Variants in KCNAB1 observed in about 807,000 individuals in gnomAD.
KCNAB1 encodes the protein voltage-gated potassium channel subunit beta-1.
Under a neutral mutation model 64.6 loss-of-function variants are expected in KCNAB1, and 35 were observed. The observed-to-expected ratio is 0.54, with a 90% CI of 0.41 to 0.72. KCNAB1 has a LOEUF of 0.72. KCNAB1 is among the 30% of genes least tolerant of loss of function. KCNAB1 has a pLI of 0.00. For synonymous variants in KCNAB1, 177 were observed against 183.8 expected (o/e 0.96, Z 0.30); for missense variants, 401 against 512.9 (o/e 0.78, Z 2.11).
At chr3:156,443,964 T>C (rs1223653097) in intron 2 of KCNAB1, among the ~76,000 whole-genome samples, 1 of 152,160 alleles carries the variant, frequency 6.6e-6, no homozygotes, top group African/African-American at 2.4e-5. Context: ...GTGGCATTAC[T>C]GGTACTTGAA....
In KCNAB1 at chr3:156,330,280, G is replaced by A. The variant is rs549681931; in HGVS notation, c.276-91336G>A. 5.1e-4 allele frequency among the ~76,000 whole-genome samples: 78 copies of A among 152,018 alleles called. No individual in the cohort carries two copies. In the East Asian group the frequency reaches 8.2e-3, roughly 16 times the overall value. ...ATCCTTAGCCTAGGAATCAGCATTC[G>A]CCTTATCAGTGTTGTTTCCAGGGCC... On this transcript the variant is annotated intron_variant, in intron 1 of 13. Transcript: ENST00000490337.
At position 156,418,255 on chromosome 3, in the gene KCNAB1, T is replaced by C. The variant is rs541729710; in HGVS notation, c.276-3361T>C. ...AACACTGAGGAATTAAGAAATAGAA[T>C]AATATCATATAAAGTTGTTTTTCTG... On this transcript the variant is annotated intron_variant, in intron 1 of 13. Coordinates refer to ENST00000490337, the MANE Select transcript of KCNAB1 (RefSeq NM_172160.3). 3.9e-5 allele frequency among the ~76,000 whole-genome samples: 6 copies of C among 152,330 alleles called. No homozygotes were observed. The South Asian group carries it at 1.2e-3, about 32-fold the overall frequency.
At chr3:156,411,625 T>C (rs770147634) in intron 1 of KCNAB1, among the ~76,000 whole-genome samples, 21 of 152,176 alleles carry the variant, frequency 1.4e-4, no homozygotes, top group Non-Finnish European at 4.4e-5. Context: ...CAATCCTTTC[T>C]CCATTTAATT....
chr3:156,471,758 T>C (rs1265315099), intron 7 of KCNAB1, among the ~76,000 whole-genome samples: 1 of 152,232 alleles, frequency 6.6e-6, no homozygotes, highest in Non-Finnish European at 1.5e-5. Context: ...TAAATGGCTC[T>C]TAAGGAGATA....
At chr3:156,434,149 C>T (rs1255328428) in intron 2 of KCNAB1, among the ~76,000 whole-genome samples, 1 of 152,134 alleles carries the variant, frequency 6.6e-6, no homozygotes, top group Non-Finnish European at 1.5e-5. Flanking sequence ...GCACTGAAGC[C>T]ATGTCACAAA....
rs2108435767 is a variant in KCNAB1 at position 156,536,885 on chromosome 3, G to A, written c.*138G>A. The A allele has an allele frequency of 4.6e-6, 3 of 648,542 alleles. No individual in the cohort carries two copies. Among genetic ancestry groups the A allele is most frequent in the African/African-American group, 3.6e-5 (2 of 55,374 alleles). 40.2% of individuals were successfully genotyped at this position (648,542 alleles called of 1,614,324 possible). A position where few individuals can be genotyped will look rare whatever the true frequency, so the allele number is the denominator to read the frequency against. ...TAGTGTCCCTCCCTGGATTCTTTGA[G>A]GTGTCTGCTGTCGCTACCACTGTGC... On this transcript the variant is annotated 3_prime_UTR_variant, in exon 14 of 14. Coordinates refer to ENST00000490337, the MANE Select transcript of KCNAB1 (RefSeq NM_172160.3).
chr3:156,312,414 T>C (rs898908014), intron 1 of KCNAB1, among the ~76,000 whole-genome samples: 5 of 152,110 alleles, frequency 3.3e-5, no homozygotes, highest in African/African-American at 1.2e-4. Context: ...CCCCAAAATA[T>C]GTAAGTATGA....
intron 1 of KCNAB1, among the ~76,000 whole-genome samples, chr3:156,153,120 G>A (rs1715514605): frequency 1.3e-5 from 2 of 152,100 alleles, no homozygotes; most frequent in Admixed American, 1.3e-4. Flanking sequence ...TTAAGCAGGA[G>A]TCTAACAAAT....
In KCNAB1 at chr3:156,128,618, C is replaced by T. The variant is rs141962496; in HGVS notation, c.275+7732C>T. Among the ~76,000 whole-genome samples the T allele has an allele frequency of 1.3e-3, 205 of 152,248 alleles. 2 individuals carry two copies. The highest frequency in any genetic ancestry group is 4.7e-3 in the African/African-American group (196 of 41,558). ...GTTCTCCTACTTTCCTGTGAGGGAA[C>T]GTGCCTCATAAAGGCGATGTGCCTG... On this transcript the variant is annotated intron_variant, in intron 1 of 13. Coordinates refer to ENST00000490337, the MANE Select transcript of KCNAB1 (RefSeq NM_172160.3).
At chr3:156,456,706 CGGCAAAATGAAAAAAT>C (rs1712456407) in intron 3 of KCNAB1, among the ~76,000 whole-genome samples, 1 of 152,186 alleles carries the variant, frequency 6.6e-6, no homozygotes. Flanking sequence ...GTAAGTCAAT[CGGCAAAATGAAAAAAT>C]GGCCCTTCTC....
At chr3:156,147,967 A>ACACACG (rs774808639) in intron 1 of KCNAB1, among the ~76,000 whole-genome samples, 3 of 151,578 alleles carry the variant, frequency 2.0e-5, no homozygotes, top group Admixed American at 2.0e-4. Context: ...ACACGCACGC[A>ACACACG]CACGCACACA....
intron 2 of KCNAB1, among the ~76,000 whole-genome samples, chr3:156,433,594 A>G (rs1716378585): frequency 6.6e-6 from 1 of 152,170 alleles, no homozygotes; most frequent in South Asian, 2.1e-4. Context: ...AGGCAGAGAG[A>G]TAGAGGTACA....
At chr3:156,292,062 C>T (rs1576684864) in intron 1 of KCNAB1, 1 of 1,614,152 alleles carries the variant, frequency 6.2e-7, no homozygotes, top group East Asian at 2.2e-5. Flanking sequence ...AGCCTGGGGA[C>T]GTTCACGCCT....
chr3:156,201,199 G>A (rs561392359), intron 1 of KCNAB1, among the ~76,000 whole-genome samples: 1 of 152,230 alleles, frequency 6.6e-6, no homozygotes, highest in Non-Finnish European at 1.5e-5. Context: ...TGGAAATGCA[G>A]AAATCACCCG....
At chr3:156,142,921 A>C in intron 1 of KCNAB1, 2 of 1,051,700 alleles carry the variant, frequency 1.9e-6, no homozygotes, top group Non-Finnish European at 2.3e-6. Flanking sequence ...TGAGTACTTT[A>C]AAGGGATGAG....
rs59410120 is a variant in KCNAB1 at position 156,198,616 on chromosome 3, CTTTTT to C, written c.275+77746_275+77750del. 4.0e-4 allele frequency among the ~76,000 whole-genome samples: 47 copies of C among 118,518 alleles called. 1 individual carries two copies. The highest frequency in any genetic ancestry group is 8.6e-4 in the Admixed American group (10 of 11,632). The allele number at this position is 118,518 out of a possible 152,430, so 77.8% of individuals were successfully genotyped here. On this transcript the variant is annotated intron_variant, in intron 1 of 13. Transcript: ENST00000490337. ...TCAGAGACTACGATTGCAAACCCTGCTTTTTTTTTTTTTTTTTTTTGCTTTCCATT... is the reference window on the plus strand; with the variant it reads ...TCAGAGACTACGATTGCAAACCCTGCTTTTTTTTTTTTTTTGCTTTCCATT...
chr3:156,266,024 A>T (rs762599069), intron 1 of KCNAB1, among the ~76,000 whole-genome samples: 3 of 152,056 alleles, frequency 2.0e-5, no homozygotes, highest in African/African-American at 4.8e-5. Context: ...AAAAACTGTG[A>T]ATATAAATAA....
chr3:156,389,543 T>C (rs1576805755), intron 1 of KCNAB1, among the ~76,000 whole-genome samples: 1 of 152,234 alleles, frequency 6.6e-6, no homozygotes, highest in Admixed American at 6.5e-5. Context: ...AAGTGTGTCC[T>C]GGCTGCAGCA....
At chr3:156,524,856 G>A (rs115510152) in intron 12 of KCNAB1, among the ~76,000 whole-genome samples, 2,596 of 150,774 alleles carry the variant, frequency 0.017, 72 homozygotes, top group African/African-American at 0.06. Flanking sequence ...AGTCAACGAC[G>A]GACAACATAT....
Sources: gnomAD v4.1 joint callset for allele counts (sites outside exome capture counted in the v4.1 genomes callset) on GRCh38, gnomAD v4.1.1 for gene constraint, MANE v1.5 for transcripts, NCBI Gene and HGNC (gene_info 2026-07-23, HGNC 2026-07-21) for gene names.